Variants in SEPTIN11 observed in about 807,000 individuals in gnomAD.
The protein encoded by SEPTIN11 is septin-11.
SEPTIN11 carries 25 observed loss-of-function variants against 51.4 expected under a neutral mutation model. That is an observed-to-expected ratio of 0.49 (90% confidence interval 0.35 to 0.68). The LOEUF (loss-of-function observed/expected upper bound fraction) is 0.68. Ranked by LOEUF, SEPTIN11 falls within the 30% of genes least tolerant of loss-of-function variation. The pLI is 0.00. For synonymous variants in SEPTIN11, 174 were observed against 184.1 expected (o/e 0.95, Z 0.44); for missense variants, 381 against 520.8 (o/e 0.73, Z 2.61).
intron 2 of SEPTIN11, among the ~76,000 whole-genome samples, chr4:77,003,253 G>A (rs896298916): frequency 6.6e-6 from 1 of 152,222 alleles, no homozygotes; most frequent in African/African-American, 2.4e-5. Context: ...TTGTTGCCTT[G>A]AGGTCAGGGA....
intron 1 of SEPTIN11, among the ~76,000 whole-genome samples, chr4:76,992,124 C>T (rs1723415496): frequency 6.6e-6 from 1 of 152,196 alleles, no homozygotes; most frequent in Non-Finnish European, 1.5e-5. Flanking sequence ...TTGGCACTTT[C>T]TTTTCAAAAA....
At chr4:76,983,391 A>G (rs1388227819) in intron 1 of SEPTIN11, among the ~76,000 whole-genome samples, 2 of 152,186 alleles carry the variant, frequency 1.3e-5, no homozygotes, top group Non-Finnish European at 2.9e-5. Context: ...CCTCAGTCCT[A>G]CAGCTGCAAG....
At chr4:77,003,090 T>G (rs548602759) in intron 2 of SEPTIN11, among the ~76,000 whole-genome samples, 1 of 152,346 alleles carries the variant, frequency 6.6e-6, no homozygotes, top group South Asian at 2.1e-4. Context: ...TTCTGCTTAC[T>G]TACCTCTCTT....
chr4:77,007,027 G>A (rs948768746), intron 3 of SEPTIN11, among the ~76,000 whole-genome samples: 8 of 152,172 alleles, frequency 5.3e-5, no homozygotes, highest in Admixed American at 1.3e-4. Context: ...TGGACTATCT[G>A]TACATTGTGC....
chr4:76,964,673 C>G (rs878969950), intron 1 of SEPTIN11, among the ~76,000 whole-genome samples: 15 of 152,204 alleles, frequency 9.9e-5, no homozygotes, highest in South Asian at 2.1e-4. Flanking sequence ...TCACCATCAT[C>G]ATCATCAAAA....
intron 1 of SEPTIN11, among the ~76,000 whole-genome samples, chr4:76,951,146 C>A (rs1403247690): frequency 1.3e-5 from 2 of 152,276 alleles, no homozygotes; most frequent in Middle Eastern, 3.4e-3. Flanking sequence ...CCCGGCTCTT[C>A]CCCCTCTCCC....
chr4:76,960,917 G>A (rs1239593575), intron 1 of SEPTIN11, among the ~76,000 whole-genome samples: 1 of 152,208 alleles, frequency 6.6e-6, no homozygotes, highest in East Asian at 1.9e-4. Context: ...ATCAGGATGT[G>A]TTTTGTCGTT....
At chr4:77,025,945 A>G (rs981926453) in intron 7 of SEPTIN11, among the ~76,000 whole-genome samples, 1 of 152,218 alleles carries the variant, frequency 6.6e-6, no homozygotes, top group Non-Finnish European at 1.5e-5. Flanking sequence ...TGCCAATGGC[A>G]AAGTTGCTCC....
intron 1 of SEPTIN11, among the ~76,000 whole-genome samples, chr4:76,976,973 G>T (rs1282073516): frequency 6.6e-6 from 1 of 152,168 alleles, no homozygotes; most frequent in African/African-American, 2.4e-5. Flanking sequence ...GGTTAAAGTA[G>T]TTTTTATGTT....
chr4:76,992,109 C>T (rs1251559526), intron 1 of SEPTIN11, among the ~76,000 whole-genome samples: 1 of 152,210 alleles, frequency 6.6e-6, no homozygotes, highest in Non-Finnish European at 1.5e-5. Flanking sequence ...CTTAGTGGTT[C>T]TGTGTTGGCA....
intron 7 of SEPTIN11, 188 bp downstream of exon 7, chr4:77,020,858 T>G: frequency 1.7e-6 from 1 of 581,868 alleles, no homozygotes; most frequent in Non-Finnish European, 3.0e-6. Flanking sequence ...ACTTACCTAG[T>G]TGATGTCATT....
In SEPTIN11 at chr4:77,038,449, A is replaced by G. The variant is rs1727180296; in HGVS notation, c.*3937A>G. 2.0e-6 allele frequency: 2 copies of G among 984,688 alleles called. No individual in the cohort carries two copies. The highest frequency in any genetic ancestry group is 2.4e-6 in the Non-Finnish European group (2 of 828,784). 61.0% of individuals were successfully genotyped at this position (984,688 alleles called of 1,614,324 possible). On this transcript the variant is annotated 3_prime_UTR_variant, in exon 10 of 10. Coordinates refer to ENST00000264893, the MANE Select transcript of SEPTIN11 (RefSeq NM_018243.4). ...GTCTTTTTTAAACTAAAGTAATTGT[A>G]TTGATGTGAAGCATATCATTTTTTC...
At chr4:76,960,864 A>T (rs1721799308) in intron 1 of SEPTIN11, among the ~76,000 whole-genome samples, 1 of 152,198 alleles carries the variant, frequency 6.6e-6, no homozygotes, top group African/African-American at 2.4e-5. Flanking sequence ...TTTGTCACTA[A>T]GGTTCAAAAT....
chr4:76,962,442 T>C (rs1478599431), intron 1 of SEPTIN11, among the ~76,000 whole-genome samples: 1 of 152,242 alleles, frequency 6.6e-6, no homozygotes, highest in African/African-American at 2.4e-5. Context: ...TAACAAAACA[T>C]TTCCATATTC....
At chr4:77,034,411 G>A in intron 9 of SEPTIN11, 86 bp from the exon 10 acceptor site, 1 of 1,182,242 alleles carries the variant, frequency 8.5e-7, no homozygotes, top group Non-Finnish European at 1.1e-6. Flanking sequence ...CACCATCACT[G>A]AATGCTGGTG....
intron 1 of SEPTIN11, among the ~76,000 whole-genome samples, chr4:76,988,410 A>G (rs890790441): frequency 6.6e-6 from 1 of 152,358 alleles, no homozygotes; most frequent in Middle Eastern, 3.4e-3. Context: ...TACTCGATGA[A>G]TATTTGCTGA....
Position 77,030,964 on chromosome 4 carries a change from A to G in SEPTIN11, c.1268A>G (p.Lys423Arg). 6.2e-7 allele frequency: 1 copy of G among 1,601,838 alleles called. No individual in the cohort carries two copies. The highest frequency in any genetic ancestry group is 8.5e-7 in the Non-Finnish European group (1 of 1,177,548). The change falls in exon 9 of 10, where the codon AAG becomes AGG. Residue 423 changes from lysine (K) to arginine (R), a missense_variant. Lys to Arg is a conservative substitution (Grantham distance 26). Around this residue, in one of 2 missense-constraint regions of SEPTIN11, gnomAD observed 197 missense variants for 313.1 expected, o/e 0.63. Transcript: ENST00000264893. ...CAGCAAACCAAGAAAGACAAGGATA[A>G]GAAAAAGTAAGCAGGTGTCACCCCC... ...GAQQTKKDKD[K>R]KNASFT
At chr4:76,966,990 A>T (rs898451353) in intron 1 of SEPTIN11, among the ~76,000 whole-genome samples, 1 of 152,104 alleles carries the variant, frequency 6.6e-6, no homozygotes, top group Non-Finnish European at 1.5e-5. Context: ...TGAGGTCGGG[A>T]TTTTGAGACC....
At chr4:76,953,805 A>G (rs886381616) in intron 1 of SEPTIN11, among the ~76,000 whole-genome samples, 1 of 152,246 alleles carries the variant, frequency 6.6e-6, no homozygotes, top group African/African-American at 2.4e-5. Flanking sequence ...CTTTTAAATT[A>G]TCATCTTTAA....
Sources: allele counts gnomAD v4.1 joint callset (sites outside exome capture counted in the v4.1 genomes callset), GRCh38; gene constraint gnomAD v4.1.1; regional missense constraint gnomAD v4.1.1; transcripts MANE v1.5; gene names NCBI Gene and HGNC (gene_info 2026-07-23, HGNC 2026-07-21).